The following LPP variants were observed in gnomAD, a reference collection of about 807,000 sequenced individuals.
LPP encodes LIM domain containing preferred translocation partner in lipoma, also known as lipoma-preferred partner.
Under a neutral mutation model 60.4 loss-of-function variants are expected in LPP, and 38 were observed. That is an observed-to-expected ratio of 0.63 (90% CI 0.49 to 0.83). The LOEUF is 0.83. LPP is among the 40% of genes least tolerant of loss of function. The pLI is 0.00. For missense variants in LPP, 902 were observed against 783.6 expected, an observed-to-expected ratio of 1.15 and a Z score of -1.80; for synonymous variants, 328 against 290.8, an observed-to-expected ratio of 1.13 and a Z score of -1.30.
chr3:188,348,329 G>T (rs1764939467), intron 3 of LPP, among the ~76,000 whole-genome samples: 1 of 151,704 alleles, frequency 6.6e-6, no homozygotes, highest in African/African-American at 2.4e-5. Flanking sequence ...TGTATTTTTA[G>T]TAGAGACAAG....
chr3:188,696,495 A>C (rs1165414327), intron 7 of LPP, among the ~76,000 whole-genome samples: 1 of 152,052 alleles, frequency 6.6e-6, no homozygotes, highest in Non-Finnish European at 1.5e-5. Context: ...TAGACAGAGA[A>C]ATTGCTTGAA....
intron 1 of LPP, among the ~76,000 whole-genome samples, chr3:188,220,818 A>C (rs1715498347): frequency 6.6e-6 from 1 of 152,134 alleles, no homozygotes; most frequent in Admixed American, 6.5e-5. Context: ...GGAAAGGGTC[A>C]CTGAAGGTAT....
In LPP at chr3:188,728,378, TA is replaced by T. The variant is rs200913693; in HGVS notation, c.1240+19987del. 1.4e-4 allele frequency among the ~76,000 whole-genome samples: 22 copies of T among 152,332 alleles called. No individual in the cohort carries two copies. In the East Asian group the frequency reaches 3.7e-3, roughly 25 times the overall value. On this transcript the variant is annotated intron_variant, in intron 8 of 11. Coordinates refer to ENST00000617246, the MANE Select transcript of LPP (RefSeq NM_001375462.1). ...AAAAGAACCTGCGTCTTTTGACTTATAATGTTAAGTGATTTTCTTGTTTATT... is the reference window on the plus strand; with the variant it reads ...AAAAGAACCTGCGTCTTTTGACTTATATGTTAAGTGATTTTCTTGTTTATT...
At chr3:188,697,627 A>T (rs1458482512) in intron 7 of LPP, among the ~76,000 whole-genome samples, 1 of 152,220 alleles carries the variant, frequency 6.6e-6, no homozygotes, top group Non-Finnish European at 1.5e-5. Flanking sequence ...CCCATGTTTT[A>T]TAAAGTATGT....
chr3:188,316,600 T>C (rs1287390546), intron 2 of LPP, among the ~76,000 whole-genome samples: 1 of 152,150 alleles, frequency 6.6e-6, no homozygotes, highest in Non-Finnish European at 1.5e-5. Context: ...AGGATAGAAA[T>C]GATAACGATG....
At chr3:188,607,165 ACT>A (rs1160960765) in intron 6 of LPP, among the ~76,000 whole-genome samples, 1 of 125,366 alleles carries the variant, frequency 8.0e-6, no homozygotes, top group Admixed American at 8.4e-5. Flanking sequence ...ACACACACAC[ACT>A]ATTTAAACAT....
intron 2 of LPP, among the ~76,000 whole-genome samples, chr3:188,239,444 A>G (rs2149430818): frequency 6.6e-6 from 1 of 152,350 alleles, no homozygotes; most frequent in South Asian, 2.1e-4. Context: ...GCTGAAAGGA[A>G]TCCCAGGCAA....
At chr3:188,763,986 A>T (rs1403772140) in intron 9 of LPP, among the ~76,000 whole-genome samples, 1 of 152,142 alleles carries the variant, frequency 6.6e-6, no homozygotes, top group Admixed American at 6.5e-5. Context: ...ACTATCCCCT[A>T]TGGCAGAAGT....
At chr3:188,291,578 G>A (rs558859108) in intron 2 of LPP, among the ~76,000 whole-genome samples, 13 of 150,868 alleles carry the variant, frequency 8.6e-5, no homozygotes, top group Admixed American at 7.3e-4. Context: ...CCCAGGAGGC[G>A]GAGCTTGCAG....
chr3:188,294,862 A>G (rs930324830), intron 2 of LPP, among the ~76,000 whole-genome samples: 30 of 152,248 alleles, frequency 2.0e-4, no homozygotes, highest in African/African-American at 7.0e-4. Context: ...ACTAGAAGGA[A>G]CAAGCTCCCG....
At chr3:188,608,972 A>G in intron 6 of LPP, among the ~76,000 whole-genome samples, 189 bp from the exon 7 acceptor site, 1 of 152,174 alleles carries the variant, frequency 6.6e-6, no homozygotes, top group Middle Eastern at 3.2e-3. Context: ...TCGGCAGTGC[A>G]CAGATATACA....
At chr3:188,623,683 T>G (rs567285269) in intron 7 of LPP, among the ~76,000 whole-genome samples, 5 of 152,236 alleles carry the variant, frequency 3.3e-5, no homozygotes, top group African/African-American at 9.6e-5. Context: ...TGCGAAAGTA[T>G]GTTTTAAAAA....
rs1195915719 is a variant in LPP at position 188,887,551 on chromosome 3, T to A, written c.*13072T>A. 4.6e-6 allele frequency: 1 copy of A among 216,284 alleles called. No homozygotes were observed. The highest frequency in any genetic ancestry group is 6.8e-5 in the East Asian group (1 of 14,604). 13.4% of individuals were successfully genotyped at this position (216,284 alleles called of 1,614,324 possible). A position where few individuals can be genotyped will look rare whatever the true frequency, so the allele number is the denominator to read the frequency against. On this transcript the variant is annotated 3_prime_UTR_variant, in exon 12 of 12. Transcript: ENST00000617246. ...TTGGTATTTGGGCAGAGTTTGCATT[T>A]TACTAATCCTATATACTTTGAGCTT...
chr3:188,867,184 T>A (rs1165386430), intron 10 of LPP, among the ~76,000 whole-genome samples: 4 of 151,360 alleles, frequency 2.6e-5, no homozygotes. Flanking sequence ...TTAAGAAATT[T>A]AAACAGTTTT....
chr3:188,524,932 CTT>C, intron 6 of LPP, 145 bp downstream of exon 6: 1 of 661,054 alleles, frequency 1.5e-6, no homozygotes, highest in Admixed American at 3.6e-5. Flanking sequence ...TCCTTCCTTC[CTT>C]CCTTCCTTCC....
At chr3:188,495,108 TTTATATATTTA>T (rs1210045809) in intron 5 of LPP, among the ~76,000 whole-genome samples, 3 of 116,386 alleles carry the variant, frequency 2.6e-5, no homozygotes, top group Admixed American at 1.9e-4. Flanking sequence ...ATTATATATT[TTTATATATTTA>T]TATTTATATT....
At chr3:188,479,549 C>T (rs1047567021) in intron 4 of LPP, among the ~76,000 whole-genome samples, 3 of 152,116 alleles carry the variant, frequency 2.0e-5, no homozygotes, top group African/African-American at 7.2e-5. Context: ...TTCAGTCATG[C>T]GACCTACAGT....
In LPP at chr3:188,421,018, AC is replaced by A. The variant is rs59462181; in HGVS notation, c.193+14710del. 5.1e-3 allele frequency among the ~76,000 whole-genome samples: 775 copies of A among 151,942 alleles called. 7 individuals carry two copies. The highest frequency in any genetic ancestry group is 0.017 in the African/African-American group (725 of 41,440). Reference sequence around the variant, plus strand: ...GGTTCTTTCTGCTGAATTAGATGGTACCCCCTCACCCCCCATTTTACTGTTG... The same window carrying A: ...GGTTCTTTCTGCTGAATTAGATGGTACCCCTCACCCCCCATTTTACTGTTG... On this transcript the variant is annotated intron_variant, in intron 4 of 11. Coordinates refer to ENST00000617246, the MANE Select transcript of LPP (RefSeq NM_001375462.1).
rs1001145350 is a variant in LPP at position 188,292,111 on chromosome 3, T to C, written c.-66-49552T>C. Among the ~76,000 whole-genome samples the C allele has an allele frequency of 3.3e-5, 5 of 152,246 alleles. No homozygotes were observed. In the South Asian group the frequency reaches 1.0e-3, roughly 31 times the overall value. ...CTTCGGTTAAACCAGCATGTGTTTT[T>C]CAAAAATCAAATGTCAAAGCATTTC... On this transcript the variant is annotated intron_variant, in intron 2 of 11. Transcript: ENST00000617246.
Sources: gnomAD v4.1 joint callset for allele counts (sites outside exome capture counted in the v4.1 genomes callset) on GRCh38, gnomAD v4.1.1 for gene constraint, MANE v1.5 for transcripts, NCBI Gene and HGNC (gene_info 2026-07-23, HGNC 2026-07-21) for gene names.